The following AXDND1 variants were observed in gnomAD, a reference collection of about 807,000 sequenced individuals.
The protein encoded by AXDND1 is axonemal dynein light chain domain containing 1, also known as axonemal dynein light chain domain-containing protein 1.
A neutral mutation model predicts 137.5 loss-of-function variants in AXDND1; 110 were observed. The ratio of observed to expected loss-of-function variants is 0.80; its 90% CI spans 0.69 to 0.94. AXDND1 has a LOEUF of 0.94. Among genes scored for constraint, AXDND1 ranks in the 40% least tolerant of loss-of-function variants. AXDND1 has a pLI of 0.00. For synonymous variants in AXDND1, 414 were observed against 399.7 expected, an observed-to-expected ratio of 1.04 and a Z score of -0.43; for missense variants, 1,191 against 1,169.8, an observed-to-expected ratio of 1.02 and a Z score of -0.26.
chr1:179,525,481 A>G (rs1199607877), intron 22 of AXDND1, 34 bp downstream of exon 22: 5 of 509,494 alleles, frequency 9.8e-6, no homozygotes, highest in Admixed American at 1.0e-4. Context: ...TTCCTCCTAC[A>G]TACATACATA....
intron 25 of AXDND1, among the ~76,000 whole-genome samples, chr1:179,549,172 C>T (rs1672947569): frequency 6.6e-6 from 1 of 152,116 alleles, no homozygotes; most frequent in Non-Finnish European, 1.5e-5. Context: ...TTGTACTCTC[C>T]AGCTTGTCCT....
At chr1:179,473,856 A>T (rs1664270888) in intron 17 of AXDND1, among the ~76,000 whole-genome samples, 1 of 152,142 alleles carries the variant, frequency 6.6e-6, no homozygotes, top group Admixed American at 6.5e-5. Context: ...CATGATTGTA[A>T]GTTTTGTAAG....
intron 15 of AXDND1, among the ~76,000 whole-genome samples, chr1:179,433,900 G>A (rs571215497): frequency 6.6e-5 from 10 of 152,188 alleles, no homozygotes; most frequent in Admixed American, 3.3e-4. Flanking sequence ...GTTCAAGTCC[G>A]AAATATCCTT....
At chr1:179,541,863 A>T (rs1672200287) in intron 25 of AXDND1, among the ~76,000 whole-genome samples, 1 of 152,214 alleles carries the variant, frequency 6.6e-6, no homozygotes, top group South Asian at 2.1e-4. Context: ...TAAATAAATC[A>T]TGCTGTATTA....
At chr1:179,552,176 C>A in intron 25 of AXDND1, 1 of 218,610 alleles carries the variant, frequency 4.6e-6, no homozygotes, top group Non-Finnish European at 9.2e-6. Flanking sequence ...TCTCTTGGCT[C>A]TAGCATTGAG....
At chr1:179,461,901 C>T (rs999393304) in intron 16 of AXDND1, among the ~76,000 whole-genome samples, 1 of 152,094 alleles carries the variant, frequency 6.6e-6, no homozygotes. Flanking sequence ...ATTTTGTATC[C>T]TGAGACTTTG....
chr1:179,479,407 G>A lies in AXDND1; in HGVS notation c.1998-3721G>A, dbSNP rs370299619. ...GGAGAATCTCTTGAACTCAGGAGGC[G>A]GAGATTGTGGTGAGCTGAGACTATG... On this transcript the variant is annotated intron_variant, in intron 17 of 25. Transcript: ENST00000367618. Among the ~76,000 whole-genome samples the A allele has an allele frequency of 1.0e-3, 151 of 146,338 alleles. 1 individual carries two copies. Among genetic ancestry groups the A allele is most frequent in the Non-Finnish European group, 1.7e-3 (112 of 66,980 alleles).
At chr1:179,424,682 G>A (rs896038849) in intron 12 of AXDND1, among the ~76,000 whole-genome samples, 18 of 151,706 alleles carry the variant, frequency 1.2e-4, no homozygotes, top group African/African-American at 3.6e-4. Flanking sequence ...CACCTGCCCC[G>A]GCCTCCCAAA....
intron 14 of AXDND1, 98 bp from the exon 15 acceptor site, chr1:179,432,169 G>A: frequency 7.2e-7 from 1 of 1,395,454 alleles, no homozygotes; most frequent in Non-Finnish European, 9.5e-7. Flanking sequence ...AATTATTGAG[G>A]AGAAATATGT....
intron 12 of AXDND1, among the ~76,000 whole-genome samples, chr1:179,427,634 C>A (rs1405596672): frequency 6.6e-6 from 1 of 151,922 alleles, no homozygotes; most frequent in Non-Finnish European, 1.5e-5. Context: ...TAATAATTAC[C>A]ATGATATTAT....
At chr1:179,382,667 T>G in intron 6 of AXDND1, 33 bp from the exon 7 acceptor site, 1 of 1,541,766 alleles carries the variant, frequency 6.5e-7, no homozygotes, top group Middle Eastern at 1.7e-4. Context: ...AAAATTTTCT[T>G]AAAATAACAT....
At chr1:179,461,860 G>A (rs1036481429) in intron 16 of AXDND1, among the ~76,000 whole-genome samples, 1 of 152,074 alleles carries the variant, frequency 6.6e-6, no homozygotes, top group South Asian at 2.1e-4. Flanking sequence ...TGTTATTGGT[G>A]TATAGTAATG....
At chr1:179,527,572 C>A (rs901434174) in intron 22 of AXDND1, among the ~76,000 whole-genome samples, 2 of 152,154 alleles carry the variant, frequency 1.3e-5, no homozygotes, top group African/African-American at 4.8e-5. Context: ...TAGCCTGTCA[C>A]AAGCTGATCA....
intron 12 of AXDND1, among the ~76,000 whole-genome samples, chr1:179,416,876 C>T (rs1396862253): frequency 6.6e-6 from 1 of 152,164 alleles, no homozygotes; most frequent in Non-Finnish European, 1.5e-5. Context: ...CACCCTTTAC[C>T]CACAAATTGG....
intron 25 of AXDND1, chr1:179,552,746 C>G: frequency 7.9e-7 from 1 of 1,262,360 alleles, no homozygotes; most frequent in Non-Finnish European, 1.1e-6. Flanking sequence ...AGCTTTCACA[C>G]AGACTTGCAA....
In AXDND1 at chr1:179,500,337, ATGTGTGTGTGTGTGTG is replaced by A. The variant is rs57654195; in HGVS notation, c.2388+7416_2388+7431del. ...ATAGCCATTAATTGCAGGGTACATT[ATGTGTGTGTGTGTGTG>A]TGTGTGTGTGTGTGTGTGTGTGTGT... On this transcript the variant is annotated intron_variant, in intron 20 of 25. Coordinates refer to ENST00000367618, the MANE Select transcript of AXDND1 (RefSeq NM_144696.6). Among the ~76,000 whole-genome samples, 44 of 133,884 alleles carry A rather than the reference ATGTGTGTGTGTGTGTG, an allele frequency of 3.3e-4. 1 individual carries two copies. The highest frequency in any genetic ancestry group is 1.2e-3 in the Admixed American group (16 of 13,148). The allele number at this position is 133,884 out of a possible 152,430, so 87.8% of individuals were successfully genotyped here. A position where few individuals can be genotyped will look rare whatever the true frequency, so the allele number is the denominator to read the frequency against.
At chr1:179,432,018 C>G (rs149186462) in intron 14 of AXDND1, among the ~76,000 whole-genome samples, 8 of 152,170 alleles carry the variant, frequency 5.3e-5, no homozygotes, top group African/African-American at 1.9e-4. Context: ...CTCAAGAGAC[C>G]ACCCTTTAAA....
intron 18 of AXDND1, 85 bp from the exon 19 acceptor site, chr1:179,491,453 T>C: frequency 1.1e-6 from 1 of 918,600 alleles, no homozygotes; most frequent in Non-Finnish European, 1.7e-6. Context: ...ACAGGCACGA[T>C]CATTTCTATT....
intron 4 of AXDND1, among the ~76,000 whole-genome samples, chr1:179,372,858 T>G (rs1366459726): frequency 1.3e-5 from 2 of 152,084 alleles, no homozygotes; most frequent in Non-Finnish European, 2.9e-5. Flanking sequence ...TAATTTTGTA[T>G]TTTTATTAGA....
Sources: allele counts gnomAD v4.1 joint callset (sites outside exome capture counted in the v4.1 genomes callset), GRCh38; gene constraint gnomAD v4.1.1; transcripts MANE v1.5; gene names NCBI Gene and HGNC (gene_info 2026-07-23, HGNC 2026-07-21).